GNG4: variants seen among roughly 807,000 people sequenced by gnomAD.
GNG4 encodes guanine nucleotide-binding protein G(I)/G(S)/G(O) subunit gamma-4.
Under a neutral mutation model 5.8 loss-of-function variants are expected in GNG4, and 4 were observed. That is an observed-to-expected ratio of 0.69 (90% CI 0.34 to 1.57). The LOEUF (loss-of-function observed/expected upper bound fraction) is 1.57. GNG4 is among the 40% of genes most tolerant of loss of function. The pLI is 0.06. For missense variants in GNG4, 96 were observed against 95.1 expected, an observed-to-expected ratio of 1.01 and a Z score of -0.04; for synonymous variants, 29 against 32.9, an observed-to-expected ratio of 0.88 and a Z score of 0.41.
At chr1:235,625,620 C>T (rs112602117) in intron 1 of GNG4, among the ~76,000 whole-genome samples, 2 of 152,202 alleles carry the variant, frequency 1.3e-5, no homozygotes, top group African/African-American at 4.8e-5. Context: ...CCACAGCAAC[C>T]ACTGATCTTT....
chr1:235,571,276 G>A (rs192584404), intron 3 of GNG4, among the ~76,000 whole-genome samples: 94 of 152,304 alleles, frequency 6.2e-4, no homozygotes, highest in African/African-American at 2.0e-3. Context: ...GGTTGAGAGC[G>A]AAGGCTCTGG....
chr1:235,637,268 T>TAA (rs142697471), intron 1 of GNG4, among the ~76,000 whole-genome samples: 5 of 152,178 alleles, frequency 3.3e-5, no homozygotes, highest in African/African-American at 1.2e-4. Context: ...GTCCTTTATT[T>TAA]AAAAAAACAA....
intron 3 of GNG4, among the ~76,000 whole-genome samples, chr1:235,556,314 C>T (rs1386532482): frequency 6.6e-6 from 1 of 151,872 alleles, no homozygotes; most frequent in South Asian, 2.1e-4. Flanking sequence ...AATCCCAGCA[C>T]TTTGGGGGGC....
intron 1 of GNG4, among the ~76,000 whole-genome samples, chr1:235,613,576 G>A (rs1688527215): frequency 1.3e-5 from 2 of 152,130 alleles, no homozygotes; most frequent in African/African-American, 2.4e-5. Context: ...TGGCTTTGAA[G>A]GTGGAAGGGG....
At chr1:235,596,197 A>AAACG (rs1688118459) in intron 1 of GNG4, among the ~76,000 whole-genome samples, 1 of 127,798 alleles carries the variant, frequency 7.8e-6, no homozygotes, top group African/African-American at 3.2e-5. Flanking sequence ...AAACAAAAAC[A>AAACG]AACAAACAAA....
At chr1:235,579,465 C>T (rs1344535198) in intron 3 of GNG4, among the ~76,000 whole-genome samples, 1 of 151,246 alleles carries the variant, frequency 6.6e-6, no homozygotes, top group East Asian at 1.9e-4. Context: ...AAGTGCTGGT[C>T]AGGATGTGGA....
intron 1 of GNG4, among the ~76,000 whole-genome samples, chr1:235,632,004 AGCAGAGGGCTGTG>A (rs1175796296): frequency 7.2e-5 from 11 of 152,344 alleles, no homozygotes; most frequent in South Asian, 2.1e-4. Context: ...GGAGGTCACC[AGCAGAGGGCTGTG>A]TGCGGAGGCT....
chr1:235,583,870 G>A, intron 2 of GNG4, 22 bp from the exon 3 acceptor site: 1 of 1,472,826 alleles, frequency 6.8e-7, no homozygotes, highest in Non-Finnish European at 9.5e-7. Context: ...CAAAGTAAAA[G>A]GGTTAGAAGA....
At chr1:235,645,797 CAAAA>C (rs6143682) in intron 1 of GNG4, among the ~76,000 whole-genome samples, 2 of 90,388 alleles carry the variant, frequency 2.2e-5, no homozygotes, top group African/African-American at 8.1e-5. Context: ...AACTCAGTCT[CAAAA>C]AAAAAAAAAA....
At chr1:235,584,487 ACTT>A (rs1233606398) in intron 2 of GNG4, among the ~76,000 whole-genome samples, 1 of 152,062 alleles carries the variant, frequency 6.6e-6, no homozygotes, top group Non-Finnish European at 1.5e-5. Flanking sequence ...AAGTTTACAG[ACTT>A]TGTGTTGAGA....
chr1:235,555,674 G>T (rs1421396972), intron 3 of GNG4, among the ~76,000 whole-genome samples: 10 of 75,454 alleles, frequency 1.3e-4, no homozygotes, highest in Admixed American at 3.2e-4. Flanking sequence ...GCAAGACCCT[G>T]TCTCTAAAAA....
At chr1:235,627,895 A>G (rs1420564633) in intron 1 of GNG4, among the ~76,000 whole-genome samples, 1 of 152,020 alleles carries the variant, frequency 6.6e-6, no homozygotes. Flanking sequence ...AAATACAGAT[A>G]TGGGGCCGGG....
At chr1:235,646,399 G>A (rs1398723289) in intron 1 of GNG4, among the ~76,000 whole-genome samples, 1 of 152,210 alleles carries the variant, frequency 6.6e-6, no homozygotes, top group African/African-American at 2.4e-5. Flanking sequence ...TGGACAGAGA[G>A]GACACAAGCA....
chr1:235,615,744 CAGG>C lies in GNG4; in HGVS notation c.-122-20236_-122-20234del, dbSNP rs1688575627. The C allele has an allele frequency of 4.8e-5, 12 of 252,044 alleles. No individual in the cohort carries two copies. In the South Asian group the frequency reaches 8.4e-4, roughly 18 times the overall value. The allele number at this position is 252,044 out of a possible 1,614,324, so 15.6% of individuals were successfully genotyped here. ...TGAGAGGCTTCCTTCCAAGAAGCAC[CAGG>C]AGGAGGGGGGTGATGGAGAAGCTGC... On this transcript the variant is annotated intron_variant, in intron 1 of 3. Coordinates refer to ENST00000391854, the MANE Select transcript of GNG4 (RefSeq NM_001098722.2).
At chr1:235,618,103 A>G (rs1688635486) in intron 1 of GNG4, among the ~76,000 whole-genome samples, 1 of 152,166 alleles carries the variant, frequency 6.6e-6, no homozygotes, top group African/African-American at 2.4e-5. Context: ...GTAATCAGAA[A>G]TGGAATCAGT....
At chr1:235,552,267 T>C (rs376496706) in intron 3 of GNG4, 30 bp from the exon 4 acceptor site, 125 of 1,609,778 alleles carry the variant, frequency 7.8e-5, no homozygotes, top group Non-Finnish European at 1.0e-4. Context: ...AGGTGCTCAG[T>C]TAAAGGCCCC....
At chr1:235,556,008 A>G (rs1313712378) in intron 3 of GNG4, among the ~76,000 whole-genome samples, 1 of 151,888 alleles carries the variant, frequency 6.6e-6, no homozygotes, top group Non-Finnish European at 1.5e-5. Flanking sequence ...CTGGGGTTAC[A>G]GGCTCCTGCC....
chr1:235,590,245 A>G (rs1461556506), intron 2 of GNG4, among the ~76,000 whole-genome samples: 4 of 152,066 alleles, frequency 2.6e-5, no homozygotes, highest in African/African-American at 9.7e-5. Context: ...ACCTGAGGTT[A>G]GGAGTTTGAG....
At chr1:235,567,131 G>C (rs61836232) in intron 3 of GNG4, among the ~76,000 whole-genome samples, 1 of 151,656 alleles carries the variant, frequency 6.6e-6, no homozygotes, top group African/African-American at 2.4e-5. Flanking sequence ...ATGTGGTCTC[G>C]CTATGTTTCC....
Sources: gnomAD v4.1 joint callset for allele counts (sites outside exome capture counted in the v4.1 genomes callset) on GRCh38, gnomAD v4.1.1 for gene constraint, MANE v1.5 for transcripts, NCBI Gene and HGNC (gene_info 2026-07-23, HGNC 2026-07-21) for gene names.